Variants in WDR27 observed in about 807,000 individuals in gnomAD.
The protein encoded by WDR27 is WD repeat domain 27, also known as WD repeat-containing protein 27.
Under a neutral mutation model 114.4 loss-of-function variants are expected in WDR27, and 100 were observed. The ratio of observed to expected loss-of-function variants is 0.87; its 90% CI spans 0.74 to 1.03. The LOEUF (loss-of-function observed/expected upper bound fraction) is 1.03. Ranked by LOEUF, WDR27 falls within the 50% of genes least tolerant of loss-of-function variation. The probability of loss-of-function intolerance (pLI) is 0.00; values close to 1 mark genes in which losing one functional copy is unlikely to be tolerated. For missense variants in WDR27, 1,129 were observed against 1,092.9 expected (o/e 1.03, Z -0.47); for synonymous variants, 449 against 423.1 (o/e 1.06, Z -0.75).
intron 25 of WDR27, among the ~76,000 whole-genome samples, chr6:169,513,770 G>T (rs1793249758): frequency 1.2e-5 from 1 of 84,654 alleles, no homozygotes. Context: ...GGAAACTGTG[G>T]TCAGTCATTC....
At chr6:169,476,768 T>C (rs542817745) in intron 25 of WDR27, among the ~76,000 whole-genome samples, 6 of 152,350 alleles carry the variant, frequency 3.9e-5, no homozygotes, top group South Asian at 2.1e-4. Flanking sequence ...GTTAGTGTAA[T>C]TATTGTTGTA....
chr6:169,453,874 C>T (rs1784248581), downstream of WDR27, among the ~76,000 whole-genome samples: 1 of 152,166 alleles, frequency 6.6e-6, no homozygotes, highest in Non-Finnish European at 1.5e-5. Context: ...AAGCAGATCA[C>T]CAACATTAAC....
chr6:169,433,241 G>C, the WDR27 span, among the ~76,000 whole-genome samples: 1 of 152,004 alleles, frequency 6.6e-6, no homozygotes, highest in Admixed American at 6.6e-5. Flanking sequence ...CCCTCCCCTT[G>C]CCTCCCACCC....
chr6:169,506,590 G>A (rs1342589874), intron 25 of WDR27, among the ~76,000 whole-genome samples: 7 of 152,150 alleles, frequency 4.6e-5, no homozygotes, highest in South Asian at 2.1e-4. Context: ...AGCCATAGAC[G>A]GCAACAAATT....
chr6:169,526,584 G>C (rs1281434079), intron 25 of WDR27, among the ~76,000 whole-genome samples: 9 of 152,072 alleles, frequency 5.9e-5, no homozygotes, highest in Non-Finnish European at 8.8e-5. Flanking sequence ...CTGTACTCCA[G>C]CCTGGGTGAC....
chr6:169,602,240 A>T lies in WDR27; in HGVS notation c.2403T>A (p.Ala801=), dbSNP rs1330257436. Residue 801 remains alanine, a synonymous_variant, in exon 23 of 26, where the codon GCT becomes GCA. Transcript: ENST00000448612. ...IAFSPCGRFA[A]CGAEDRHAYV... ...ATACGTGTCTGTCCTCGGCCCCACAAGCCGCGAATCGTCCACAAGGACTGA... is the reference window on the plus strand; with the variant it reads ...ATACGTGTCTGTCCTCGGCCCCACATGCCGCGAATCGTCCACAAGGACTGA... 1.3e-6 allele frequency: 2 copies of T among 1,560,628 alleles called. No individual in the cohort carries two copies. Among genetic ancestry groups the T allele is most frequent in the Non-Finnish European group, 1.7e-6 (2 of 1,151,070 alleles).
chr6:169,692,880 T>C (rs1293360971), intron 1 of WDR27, among the ~76,000 whole-genome samples: 2 of 152,114 alleles, frequency 1.3e-5, no homozygotes, highest in Non-Finnish European at 2.9e-5. Context: ...ACATAAACTC[T>C]TGGGAACCCT....
intron 2 of WDR27, among the ~76,000 whole-genome samples, chr6:169,679,325 A>G (rs1429259910): frequency 6.6e-6 from 1 of 152,212 alleles, no homozygotes; most frequent in Non-Finnish European, 1.5e-5. Flanking sequence ...AATATTTTAC[A>G]AAGTTTGACT....
intron 25 of WDR27, among the ~76,000 whole-genome samples, chr6:169,568,757 A>G (rs1800897584): frequency 6.6e-6 from 1 of 152,234 alleles, no homozygotes; most frequent in East Asian, 1.9e-4. Context: ...GCCATGCAAC[A>G]CCTGATAGAG....
At chr6:169,655,716 GTTTTTT>G (rs1394571159) in intron 13 of WDR27, among the ~76,000 whole-genome samples, 1 of 151,962 alleles carries the variant, frequency 6.6e-6, no homozygotes, top group Non-Finnish European at 1.5e-5. Flanking sequence ...GCAGGGCAGA[GTTTTTT>G]TTGTTTTTAT....
chr6:169,681,191 C>T (rs1781438525), intron 2 of WDR27, among the ~76,000 whole-genome samples: 2 of 152,168 alleles, frequency 1.3e-5, no homozygotes, highest in Admixed American at 6.5e-5. Flanking sequence ...ATGAATATTA[C>T]TCAATAATAA....
chr6:169,656,064 C>G (rs533936800), intron 13 of WDR27, among the ~76,000 whole-genome samples: 3 of 152,124 alleles, frequency 2.0e-5, no homozygotes, highest in Admixed American at 2.0e-4. Context: ...AGAGGGGACC[C>G]GGAGAGGGCA....
At chr6:169,434,918 T>C in the WDR27 span, among the ~76,000 whole-genome samples, 226 of 152,326 alleles carry the variant, frequency 1.5e-3, 3 homozygotes, top group East Asian at 0.034. Context: ...CCAGGACATG[T>C]CAGAGGTCTT....
At chr6:169,618,627 C>CAAAAAA (rs560399990) in intron 21 of WDR27, among the ~76,000 whole-genome samples, 2 of 92,122 alleles carry the variant, frequency 2.2e-5, no homozygotes, top group Non-Finnish European at 2.0e-5. Flanking sequence ...TGGATGACTG[C>CAAAAAA]AAAAAAAAAA....
downstream of WDR27, among the ~76,000 whole-genome samples, chr6:169,452,386 CACGCG>C (rs1182372719): frequency 6.6e-6 from 1 of 152,248 alleles, no homozygotes; most frequent in Non-Finnish European, 1.5e-5. Flanking sequence ...AGATTACTGA[CACGCG>C]GTCCTTTGTA....
Position 169,654,620 on chromosome 6 carries a change from C to A in WDR27, c.1403-2612G>T, listed in dbSNP as rs570452684. On this transcript the variant is annotated intron_variant, in intron 13 of 25. Coordinates refer to ENST00000448612, the MANE Select transcript of WDR27 (RefSeq NM_182552.5). ...TTCCAGGTTCTTGGCACCTTCAGAG[C>A]AAGAATTTAGATGCGAAAAGCAGCA... Among the ~76,000 whole-genome samples, 8 of 152,310 alleles carry A rather than the reference C, an allele frequency of 5.3e-5. No homozygotes were observed. The South Asian group carries it at 1.5e-3, about 28-fold the overall frequency.
rs191749909 is a variant in WDR27, at chr6:169,497,618, A to T, written c.2646-39984T>A. ...ACTTGAATAGACATTTCTCCAAAGA[A>T]GATACACAAATGTCCAAGAAGTGCA... On this transcript the variant is annotated intron_variant, in intron 25 of 25. Transcript: ENST00000448612. 2.6e-5 allele frequency among the ~76,000 whole-genome samples: 4 copies of T among 152,314 alleles called. No homozygotes were observed. The East Asian group carries it at 7.7e-4, about 29-fold the overall frequency.
intron 10 of WDR27, among the ~76,000 whole-genome samples, chr6:169,660,004 G>T (rs996418482): frequency 6.6e-6 from 1 of 151,918 alleles, no homozygotes; most frequent in Non-Finnish European, 1.5e-5. Flanking sequence ...AGGTCTGAGC[G>T]TTCAGGGCTA....
At chr6:169,568,093 A>C (rs1401154528) in intron 25 of WDR27, among the ~76,000 whole-genome samples, 1 of 151,678 alleles carries the variant, frequency 6.6e-6, no homozygotes, top group Non-Finnish European at 1.5e-5. Flanking sequence ...CGTCTCCCTC[A>C]GCAGGGCTTG....
Sources: allele counts gnomAD v4.1 joint callset (sites outside exome capture counted in the v4.1 genomes callset), GRCh38; gene constraint gnomAD v4.1.1; transcripts MANE v1.5; gene names NCBI Gene and HGNC (gene_info 2026-07-23, HGNC 2026-07-21).